Variants in PIGC observed in about 807,000 individuals in gnomAD.
PIGC encodes phosphatidylinositol glycan anchor biosynthesis class C.
A neutral mutation model predicts 20.9 loss-of-function variants in PIGC; 14 were observed. The observed-to-expected ratio is 0.67, with a 90% CI of 0.44 to 1.05. The LOEUF is 1.05. Among genes scored for constraint, PIGC ranks in the 50% least tolerant of loss-of-function variants. The probability of loss-of-function intolerance (pLI) is 0.00; values close to 1 mark genes in which losing one functional copy is unlikely to be tolerated. For missense variants in PIGC, 310 were observed against 360.9 expected (o/e 0.86, Z 1.14); for synonymous variants, 132 against 141.4 (o/e 0.93, Z 0.47).
At position 172,442,783 on chromosome 1, in the gene PIGC, C is replaced by T; in HGVS notation, c.-161G>A. On this transcript the variant is annotated 5_prime_UTR_variant, in exon 2 of 2. Transcript: ENST00000344529. Reference sequence around the variant, plus strand: ...TTGTTTTCAAAGGCAGGGGCTAGGCCTACAATAGATGAATTTGTCTCTGAG... The same window carrying T: ...TTGTTTTCAAAGGCAGGGGCTAGGCTTACAATAGATGAATTTGTCTCTGAG... The T allele has an allele frequency of 1.6e-6, 1 of 635,008 alleles. No individual in the cohort carries two copies. Among genetic ancestry groups the T allele is most frequent in the South Asian group, 2.1e-5 (1 of 48,020 alleles). 39.3% of individuals were successfully genotyped at this position (635,008 alleles called of 1,614,324 possible). A position where few individuals can be genotyped will look rare whatever the true frequency, so the allele number is the denominator to read the frequency against.
rs774871441 is a variant in PIGC at position 172,442,528 on chromosome 1, C to T, written c.95G>A (p.Arg32Gln). The T allele has an allele frequency of 3.7e-6, 6 of 1,614,040 alleles. No individual in the cohort carries two copies. In the African/African-American group the frequency reaches 5.3e-5, roughly 14 times the overall value. ...QPFPDNYVDRRFLEELRKNIH... is the reference protein window; with the variant it reads ...QPFPDNYVDRQFLEELRKNIH... ...GTTTTTCCGGAGCTCTTCCAGGAAT[C>T]GCCGGTCCACATAGTTATCAGGAAA... The change falls in exon 2 of 2, where the codon CGA (arginine) becomes CAA (glutamine). Residue 32 changes from arginine to glutamine, a missense_variant. Coordinates refer to ENST00000344529, the MANE Select transcript of PIGC (RefSeq NM_153747.2).
chr1:172,443,415 A>G (rs1647559290), intron 1 of PIGC: 1 of 167,018 alleles, frequency 6.0e-6, no homozygotes, highest in Admixed American at 6.5e-5. Flanking sequence ...CCATACAGAA[A>G]GGTATGAGCT....
Position 172,442,188 on chromosome 1 carries a change from G to C in PIGC, c.435C>G (p.Ser145Arg). 4 of 1,614,000 alleles carry C rather than the reference G, an allele frequency of 2.5e-6. No homozygotes were observed. Among genetic ancestry groups the C allele is most frequent in the Non-Finnish European group, 3.4e-6 (4 of 1,179,852 alleles). The change falls in exon 2 of 2, where the codon AGC (serine) becomes AGG (arginine). Residue 145 changes from serine to arginine, a missense_variant. By Grantham distance (110) the Ser-to-Arg change is moderately radical. Transcript: ENST00000344529. ...CTGACATGGCATAGATGGTGTCAGTGCTGACAGACTCTGTAAGGGTCTTCA... is the reference window on the plus strand; with the variant it reads ...CTGACATGGCATAGATGGTGTCAGTCCTGACAGACTCTGTAAGGGTCTTCA... ...PVLKTLTESV[S>R]TDTIYAMSVF...
chr1:172,443,917 C>T, intron 1 of PIGC, 71 bp downstream of exon 1: 1 of 980,728 alleles, frequency 1.0e-6, no homozygotes, highest in Non-Finnish European at 1.2e-6. Flanking sequence ...CTCACTCAGC[C>T]TTGGGTCTGC....
chr1:172,442,230 A>T lies in PIGC; in HGVS notation c.393T>A (p.Tyr131Ter). The change falls in exon 2 of 2, where the codon TAT becomes TAA. Residue 131 changes from tyrosine to a stop codon, truncating the protein, a stop_gained. Coordinates refer to ENST00000344529, the MANE Select transcript of PIGC (RefSeq NM_153747.2). LOFTEE classifies it high-confidence loss of function. ...GGGTCTTCAGCACTGGTGAAAACCC[A>T]TAAGTGAAAGTAATGAAGACTAGGG... Reference protein sequence around the residue: ...KSALVFITFTYGFSPVLKTLT... With the variant: ...KSALVFITFT 1 of 1,613,998 alleles carries T rather than the reference A, an allele frequency of 6.2e-7. No homozygotes were observed. Among genetic ancestry groups the T allele is most frequent in the Non-Finnish European group, 8.5e-7 (1 of 1,179,872 alleles).
At position 172,441,991 on chromosome 1, in the gene PIGC, G is replaced by A. The variant is rs1647361328; in HGVS notation, c.632C>T (p.Ala211Val). The change falls in exon 2 of 2, where the codon GCC (alanine) becomes GTC (valine). Residue 211 changes from alanine (A) to valine (V), a missense_variant. Coordinates refer to ENST00000344529, the MANE Select transcript of PIGC (RefSeq NM_153747.2). ...IMVTFAIQIF[A>V]LWPMLQKKLK... ...TTTCTTCTGCAACATGGGCCACAGG[G>A]CAAAAATCTGAATGGCAAATGTCAC... 1 of 1,614,178 alleles carries A rather than the reference G, an allele frequency of 6.2e-7. No homozygotes were observed. The highest frequency in any genetic ancestry group is 2.2e-5 in the East Asian group (1 of 44,880).
At position 172,441,885 on chromosome 1, in the gene PIGC, A is replaced by G; in HGVS notation, c.738T>C (p.Ile246=). The G allele has an allele frequency of 6.2e-7, 1 of 1,614,210 alleles. No individual in the cohort carries two copies. The highest frequency in any genetic ancestry group is 8.5e-7 in the Non-Finnish European group (1 of 1,180,020). Residue 246 remains isoleucine, a synonymous_variant, in exon 2 of 2, where the codon ATT becomes ATC. Coordinates refer to ENST00000344529, the MANE Select transcript of PIGC (RefSeq NM_153747.2). ...CAAAGAGTACGGCTCCCACAGCACT[A>G]ATGGACAGTAGGCCTCCCACGGCTG... ...AFSAVGGLLS[I]SAVGAVLFAL...
chr1:172,442,429 AC>A lies in PIGC; in HGVS notation c.193del (p.Val65PhefsTer22), dbSNP rs767380044. ...SSVVIQQLCS[V>X]CVFVVIWWYM... ...CCACCAGATAACCACAAAAACACAA[AC>A]ACTGCACAGCTGCTGGATCACCACA... On this transcript the variant is annotated frameshift_variant, in exon 2 of 2. Transcript: ENST00000344529. LOFTEE classifies it high-confidence loss of function. The A allele has an allele frequency of 6.2e-7, 1 of 1,614,034 alleles. No homozygotes were observed.
chr1:172,441,888 G>A lies in PIGC; in HGVS notation c.735C>T (p.Ser245=). ...FAFSAVGGLL[S]ISAVGAVLFA... is the part of the protein sequence containing the mutation. ...AGAGTACGGCTCCCACAGCACTAAT[G>A]GACAGTAGGCCTCCCACGGCTGAAA... Residue 245 remains serine, a synonymous_variant, in exon 2 of 2, where the codon TCC becomes TCT. Coordinates refer to ENST00000344529, the MANE Select transcript of PIGC (RefSeq NM_153747.2). 1 of 1,614,186 alleles carries A rather than the reference G, an allele frequency of 6.2e-7. No individual in the cohort carries two copies. Among genetic ancestry groups the A allele is most frequent in the Non-Finnish European group, 8.5e-7 (1 of 1,180,016 alleles).
In PIGC at chr1:172,441,887, T is replaced by C. The variant is rs756863713; in HGVS notation, c.736A>G (p.Ile246Val). ...AAGAGTACGGCTCCCACAGCACTAA[T>C]GGACAGTAGGCCTCCCACGGCTGAA... is the stretch of plus-strand genomic sequence containing the variant. ...AFSAVGGLLS[I>V]SAVGAVLFAL... Residue 246 changes from isoleucine to valine, a missense_variant, in exon 2 of 2, where the codon ATT becomes GTT. Ile to Val is a conservative substitution (Grantham distance 29, BLOSUM62 3). Coordinates refer to ENST00000344529, the MANE Select transcript of PIGC (RefSeq NM_153747.2). 16 of 1,614,080 alleles carry C rather than the reference T, an allele frequency of 9.9e-6. No homozygotes were observed. The highest frequency in any genetic ancestry group is 8.0e-5 in the African/African-American group (6 of 74,928).
Position 172,441,600 on chromosome 1 carries a change from T to G in PIGC, c.*129A>C. 1 of 782,430 alleles carries G rather than the reference T, an allele frequency of 1.3e-6. No individual in the cohort carries two copies. Among genetic ancestry groups the G allele is most frequent in the Admixed American group, 2.7e-5 (1 of 36,472 alleles). 48.5% of individuals were successfully genotyped at this position (782,430 alleles called of 1,614,324 possible). On this transcript the variant is annotated 3_prime_UTR_variant, in exon 2 of 2. Transcript: ENST00000344529. The stretch of plus-strand genomic sequence containing the variant: ...CACCCAAGCCTTTGGTTCATTTTTT[T>G]TGGTTTTGATCTCTATTCTCTTACC...
rs1647391261 is a variant in PIGC at position 172,442,244 on chromosome 1, T to A, written c.379A>T (p.Ile127Phe). 1 of 1,613,834 alleles carries A rather than the reference T, an allele frequency of 6.2e-7. No homozygotes were observed. The highest frequency in any genetic ancestry group is 2.2e-5 in the East Asian group (1 of 44,888). The part of the protein sequence containing the change: ...WADLKSALVF[I>F]TFTYGFSPVL... ...GGTGAAAACCCATAAGTGAAAGTAA[T>A]GAAGACTAGGGCACTCTTCAGGTCA... Residue 127 changes from isoleucine (I) to phenylalanine (F), a missense_variant, in exon 2 of 2, where the codon ATT becomes TTT. By Grantham distance (21) the Ile-to-Phe change is conservative. Transcript: ENST00000344529.
chr1:172,443,730 G>T (rs1199253038), intron 1 of PIGC: 1 of 168,062 alleles, frequency 6.0e-6, no homozygotes, highest in African/African-American at 2.4e-5. Context: ...TCCCAGCCCG[G>T]GAATCTTAAG....
In PIGC at chr1:172,442,030, T is replaced by C. The variant is rs749950443; in HGVS notation, c.593A>G (p.His198Arg). ...CLASRLPRSL[H>R]AFIMVTFAIQ... ...GGCAAATGTCACCATGATGAAGGCA[T>C]GCAGGGACCGGGGAAGACGTGATGC... is the stretch of plus-strand genomic sequence containing the variant. Residue 198 changes from histidine (H) to arginine (R), a missense_variant, in exon 2 of 2, where the codon CAT (histidine) becomes CGT (arginine). Coordinates refer to ENST00000344529, the MANE Select transcript of PIGC (RefSeq NM_153747.2). 33 of 1,614,094 alleles carry C rather than the reference T, an allele frequency of 2.0e-5. No homozygotes were observed. The highest frequency in any genetic ancestry group is 1.6e-4 in the Middle Eastern group (1 of 6,084).
rs749950443 is a variant in PIGC, at chr1:172,442,030, T to G, written c.593A>C (p.His198Pro). Residue 198 changes from histidine to proline, a missense_variant, in exon 2 of 2, where the codon CAT becomes CCT. Physicochemically the swap from His to Pro is moderately conservative, Grantham distance 77 (BLOSUM62 -2). Transcript: ENST00000344529. ...CLASRLPRSL[H>P]AFIMVTFAIQ... ...GGCAAATGTCACCATGATGAAGGCA[T>G]GCAGGGACCGGGGAAGACGTGATGC... 17 of 1,614,212 alleles carry G rather than the reference T, an allele frequency of 1.1e-5. No homozygotes were observed. The South Asian group carries it at 1.9e-4, about 18-fold the overall frequency.
rs1425868433 is a variant in PIGC, at chr1:172,441,637, C to T, written c.*92G>A. The T allele has an allele frequency of 1.2e-5, 14 of 1,146,336 alleles. No homozygotes were observed. Among genetic ancestry groups the T allele is most frequent in the Non-Finnish European group, 1.7e-5 (14 of 817,826 alleles). The allele number at this position is 1,146,336 out of a possible 1,614,324, so 71.0% of individuals were successfully genotyped here. On this transcript the variant is annotated 3_prime_UTR_variant, in exon 2 of 2. Coordinates refer to ENST00000344529, the MANE Select transcript of PIGC (RefSeq NM_153747.2). ...TCTATTCTCTTACCACAATGACATG[C>T]TGCTTCCAGAATGGAACTCTGTCTT...
chr1:172,443,872 C>A, intron 1 of PIGC, 116 bp downstream of exon 1: 4 of 793,894 alleles, frequency 5.0e-6, no homozygotes, highest in Non-Finnish European at 6.2e-6. Context: ...CCCCATTTGG[C>A]TTTTTGGGTG....
chr1:172,442,733 G>A lies in PIGC; in HGVS notation c.-111C>T, dbSNP rs1361980755. The A allele has an allele frequency of 9.8e-6, 9 of 915,938 alleles. No individual in the cohort carries two copies. In the South Asian group the frequency reaches 1.4e-4, roughly 15 times the overall value. 56.7% of individuals were successfully genotyped at this position (915,938 alleles called of 1,614,324 possible). A position where few individuals can be genotyped will look rare whatever the true frequency, so the allele number is the denominator to read the frequency against. ...GAGACCTCCCTGGAAATTCCATGCT[G>A]TGTTGATGTTCTACCAACCTTTCCT... On this transcript the variant is annotated 5_prime_UTR_variant, in exon 2 of 2. Transcript: ENST00000344529.
rs1301188432 is a variant in PIGC, at chr1:172,441,876, C to T, written c.747G>A (p.Val249=). ...AVGGLLSISA[V]GAVLFALLLM... ...GCAGAAGGGCAAAGAGTACGGCTCC[C>T]ACAGCACTAATGGACAGTAGGCCTC... The change falls in exon 2 of 2, where the codon GTG becomes GTA. Residue 249 remains valine (V), a synonymous_variant. Transcript: ENST00000344529. 6.2e-7 allele frequency: 1 copy of T among 1,614,054 alleles called. No homozygotes were observed. Among genetic ancestry groups the T allele is most frequent in the African/African-American group, 1.3e-5 (1 of 74,914 alleles).
Sources: gnomAD v4.1 joint callset for allele counts on GRCh38, gnomAD v4.1.1 for gene constraint, MANE v1.5 for transcripts, NCBI Gene and HGNC (gene_info 2026-07-23, HGNC 2026-07-21) for gene names.